Variants in ZNF461 observed in about 807,000 individuals in gnomAD.
ZNF461 encodes gonadotropin-inducible ovarian transcription factor-1.
In ZNF461, 16 loss-of-function variants were observed where a neutral mutation model predicts 18.3. The ratio of observed to expected loss-of-function variants is 0.88; its 90% CI spans 0.59 to 1.33. The LOEUF (loss-of-function observed/expected upper bound fraction) is 1.33. ZNF461 is among the 40% of genes most tolerant of loss of function. The pLI, the probability that ZNF461 is intolerant of heterozygous loss-of-function variation, is 0.00. For missense variants in ZNF461, 595 were observed against 669.9 expected, an observed-to-expected ratio of 0.89 and a Z score of 1.23; for synonymous variants, 179 against 216.9, an observed-to-expected ratio of 0.83 and a Z score of 1.54.
intron 2 of ZNF461, chr19:36,658,633 C>T (rs1000128174): frequency 4.8e-6 from 2 of 419,326 alleles, no homozygotes; most frequent in Non-Finnish European, 8.3e-6. Context: ...GCAGACACAT[C>T]TTCTTGTGTA....
chr19:36,664,828 C>G, intron 1 of ZNF461, 42 bp from the exon 2 acceptor site: 2 of 638,436 alleles, frequency 3.1e-6, no homozygotes, highest in Non-Finnish European at 5.1e-6. Flanking sequence ...GAGATTATTG[C>G]CTCTAAGCTC....
Position 36,658,367 on chromosome 19 carries a change from A to G in ZNF461, c.68T>C (p.Leu23Pro). 1.2e-6 allele frequency: 2 copies of G among 1,611,712 alleles called. No homozygotes were observed. Among genetic ancestry groups the G allele is most frequent in the Non-Finnish European group, 1.7e-6 (2 of 1,178,716 alleles). Residue 23 changes from leucine to proline, a missense_variant, in exon 3 of 6, where the codon CTG (leucine) becomes CCG (proline). Transcript: ENST00000588268. The part of the protein sequence containing the change: ...IDVSQEEWEC[L>P]NPAQRNLYKE... Reference sequence around the variant, plus strand: ...GTACAAATTCCTCTGCGCTGGGTTCAGGCATTCCCATTCCTCCTGAGAGAC... The same window carrying G: ...GTACAAATTCCTCTGCGCTGGGTTCGGGCATTCCCATTCCTCCTGAGAGAC...
intron 2 of ZNF461, among the ~76,000 whole-genome samples, chr19:36,663,567 TGG>T (rs2037853492): frequency 1.3e-5 from 2 of 149,788 alleles, no homozygotes; most frequent in South Asian, 4.2e-4. Flanking sequence ...TCACCCAGGC[TGG>T]AGTGCAGTGG....
In ZNF461 at chr19:36,638,593, T is replaced by C; in HGVS notation, c.*60A>G. The C allele has an allele frequency of 7.8e-7, 1 of 1,277,140 alleles. No individual in the cohort carries two copies. The allele number at this position is 1,277,140 out of a possible 1,614,324, so 79.1% of individuals were successfully genotyped here. Reference sequence around the variant, plus strand: ...AATAAATAAATACTAATGAAACTGGTGGCTTACCAACTTTTTCCTTAAATA... The same window carrying C: ...AATAAATAAATACTAATGAAACTGGCGGCTTACCAACTTTTTCCTTAAATA... On this transcript the variant is annotated 3_prime_UTR_variant, in exon 6 of 6. Coordinates refer to ENST00000588268, the MANE Select transcript of ZNF461 (RefSeq NM_153257.5).
At chr19:36,661,043 G>C (rs1453864390) in intron 2 of ZNF461, among the ~76,000 whole-genome samples, 1 of 152,114 alleles carries the variant, frequency 6.6e-6, no homozygotes. Flanking sequence ...AGCCACTGCA[G>C]GGAGGCAGGA....
chr19:36,640,074 G>T, intron 5 of ZNF461, 31 bp from the exon 6 acceptor site: 1 of 1,531,254 alleles, frequency 6.5e-7, no homozygotes, highest in Non-Finnish European at 8.8e-7. Context: ...TTTAACTCCT[G>T]GTTTTGTACT....
chr19:36,664,214 T>C (rs917734729), intron 2 of ZNF461, among the ~76,000 whole-genome samples: 4 of 152,150 alleles, frequency 2.6e-5, no homozygotes, highest in African/African-American at 9.7e-5. Context: ...GGAGCAAAAA[T>C]GAAGGCCCTG....
chr19:36,640,239 G>A (rs2037401022), intron 5 of ZNF461, 196 bp from the exon 6 acceptor site: 5 of 497,184 alleles, frequency 1.0e-5, no homozygotes, highest in African/African-American at 3.9e-5. Context: ...TAATTCAATG[G>A]TGCTGAAATT....
intron 4 of ZNF461, among the ~76,000 whole-genome samples, chr19:36,651,940 A>G (rs2037634046): frequency 6.6e-6 from 1 of 152,232 alleles, no homozygotes; most frequent in African/African-American, 2.4e-5. Context: ...GTATAACTGC[A>G]GCCATCATGA....
chr19:36,656,931 T>G (rs1048844012), intron 3 of ZNF461, among the ~76,000 whole-genome samples: 2 of 151,918 alleles, frequency 1.3e-5, no homozygotes, highest in African/African-American at 4.8e-5. Context: ...GTGACTCTCC[T>G]GCCTCAGCCT....
Position 36,636,928 on chromosome 19 carries a change from A to T in ZNF461, c.*1725T>A, listed in dbSNP as rs1036643953. The stretch of plus-strand genomic sequence containing the variant: ...CAAAGGAGTGTCTTTCTCCTTGAGC[A>T]CAGTGTTTATAGATAAGAGAGCAGG... On this transcript the variant is annotated 3_prime_UTR_variant, in exon 6 of 6. Coordinates refer to ENST00000588268, the MANE Select transcript of ZNF461 (RefSeq NM_153257.5). 4.6e-5 allele frequency among the ~76,000 whole-genome samples: 7 copies of T among 152,144 alleles called. No homozygotes were observed. The highest frequency in any genetic ancestry group is 4.6e-4 in the Admixed American group (7 of 15,270).
chr19:36,644,874 G>C (rs1032064132), intron 4 of ZNF461, among the ~76,000 whole-genome samples: 6 of 152,064 alleles, frequency 3.9e-5, no homozygotes, highest in Non-Finnish European at 7.4e-5. Context: ...TGGGATTAGA[G>C]GTGTGAGCCA....
intron 4 of ZNF461, among the ~76,000 whole-genome samples, chr19:36,655,368 C>G (rs2037698121): frequency 6.6e-6 from 1 of 152,156 alleles, no homozygotes; most frequent in African/African-American, 2.4e-5. Flanking sequence ...CTTTCAGAGG[C>G]TGAGGTGGGA....
chr19:36,642,997 G>A (rs2037454931), intron 5 of ZNF461, among the ~76,000 whole-genome samples: 1 of 152,032 alleles, frequency 6.6e-6, no homozygotes, highest in African/African-American at 2.4e-5. Flanking sequence ...TCGAACTCCC[G>A]ACCTCAGGCC....
At chr19:36,642,817 C>T (rs965548328) in intron 5 of ZNF461, among the ~76,000 whole-genome samples, 9 of 151,008 alleles carry the variant, frequency 6.0e-5, no homozygotes, top group Admixed American at 2.0e-4. Context: ...TGCAATGGTG[C>T]GATCTCGGCT....
intron 2 of ZNF461, among the ~76,000 whole-genome samples, chr19:36,661,964 G>A (rs989247829): frequency 3.4e-4 from 51 of 152,008 alleles, no homozygotes; most frequent in African/African-American, 1.2e-3. Flanking sequence ...CTGCCTCCCG[G>A]GTTCAAGTGA....
chr19:36,639,627 G>C lies in ZNF461; in HGVS notation c.718C>G (p.Gln240Glu), dbSNP rs1465446437. Reference protein sequence around the residue: ...TPCLFKQQTIQNGDKCNECKE... With the variant: ...TPCLFKQQTIENGDKCNECKE... ...CACTCATTGCATTTGTCACCATTTT[G>C]AATTGTCTGTTGTTTAAAAAGGCAT... Residue 240 changes from glutamine (Q) to glutamate (E), a missense_variant, in exon 6 of 6, where the codon CAA becomes GAA. Transcript: ENST00000588268. The C allele has an allele frequency of 6.2e-7, 1 of 1,613,558 alleles. No individual in the cohort carries two copies.
At chr19:36,655,441 A>G (rs1190668881) in intron 4 of ZNF461, among the ~76,000 whole-genome samples, 1 of 152,170 alleles carries the variant, frequency 6.6e-6, no homozygotes, top group Non-Finnish European at 1.5e-5. Flanking sequence ...TCTGCAAAAA[A>G]TTAAAAAATT....
At chr19:36,654,904 T>C (rs1366208047) in intron 4 of ZNF461, among the ~76,000 whole-genome samples, 1 of 152,208 alleles carries the variant, frequency 6.6e-6, no homozygotes, top group Non-Finnish European at 1.5e-5. Context: ...CATCCATGTA[T>C]TGTTGATCCC....
Sources: allele counts gnomAD v4.1 joint callset (sites outside exome capture counted in the v4.1 genomes callset), GRCh38; gene constraint gnomAD v4.1.1; transcripts MANE v1.5; gene names NCBI Gene and HGNC (gene_info 2026-07-23, HGNC 2026-07-21).